The following TMEM132B variants were observed in gnomAD, a reference collection of about 807,000 sequenced individuals.
TMEM132B encodes transmembrane protein 132B.
A neutral mutation model predicts 90.8 loss-of-function variants in TMEM132B; 18 were observed. That is an observed-to-expected ratio of 0.20 (90% CI 0.14 to 0.29). The LOEUF (loss-of-function observed/expected upper bound fraction) is 0.29. Ranked by LOEUF, TMEM132B falls within the 10% of genes least tolerant of loss-of-function variation. The pLI, the probability that TMEM132B is intolerant of heterozygous loss-of-function variation, is 1.00. For synonymous variants in TMEM132B, 504 were observed against 523.3 expected (o/e 0.96, Z 0.50); for missense variants, 1,096 against 1,326.8 (o/e 0.83, Z 2.70).
Position 125,460,335 on chromosome 12 carries a change from T to C in TMEM132B, c.1106+44658T>C, listed in dbSNP as rs4765256. 0.31 allele frequency among the ~76,000 whole-genome samples: 46,624 copies of C among 151,516 alleles called. 7,360 individuals are homozygous for C. Among genetic ancestry groups the C allele is most frequent in the East Asian group, 0.52 (2,636 of 5,114 alleles). On this transcript the variant is annotated intron_variant, in intron 3 of 8. Transcript: ENST00000682704. The surrounding 1 kb of genome is among the most constrained non-coding windows in gnomAD (Gnocchi z 4.4). ...GTGAAACCCCATCTCTACTGAAAAA[T>C]ACAAGAATTAGCTGGGCATGGTGGT... is the stretch of plus-strand genomic sequence containing the variant.
intron 3 of TMEM132B, among the ~76,000 whole-genome samples, chr12:125,436,420 T>G (rs968554064): frequency 2.0e-5 from 3 of 152,134 alleles, no homozygotes; most frequent in African/African-American, 4.8e-5. Flanking sequence ...TCATGGGAGT[T>G]GTAATTATTT....
At chr12:125,343,832 G>C (rs372616334) in intron 1 of TMEM132B, among the ~76,000 whole-genome samples, 7 of 152,122 alleles carry the variant, frequency 4.6e-5, no homozygotes, top group African/African-American at 1.7e-4. Flanking sequence ...TGACCACAGT[G>C]GTGTGATATT....
At chr12:125,556,628 A>C (rs1455281969) in intron 4 of TMEM132B, among the ~76,000 whole-genome samples, 1 of 152,202 alleles carries the variant, frequency 6.6e-6, no homozygotes, top group Non-Finnish European at 1.5e-5. Flanking sequence ...CCCATGTGAC[A>C]AGATATCTGG....
At chr12:125,593,487 G>A (rs941602413) in intron 5 of TMEM132B, among the ~76,000 whole-genome samples, 4 of 152,170 alleles carry the variant, frequency 2.6e-5, no homozygotes, top group East Asian at 3.9e-4. Flanking sequence ...TCTTCTAGAA[G>A]CCTTCCATCT....
At chr12:125,434,035 A>C (rs1343761261) in intron 3 of TMEM132B, among the ~76,000 whole-genome samples, 1 of 152,188 alleles carries the variant, frequency 6.6e-6, no homozygotes, top group Non-Finnish European at 1.5e-5. Context: ...CTTAGTTCTG[A>C]AAGTCAGAAG....
rs138859710 is a variant in TMEM132B at position 125,639,802 on chromosome 12, C to T, written c.1438-4274C>T. Among the ~76,000 whole-genome samples the T allele has an allele frequency of 1.8e-3, 281 of 152,236 alleles. 3 individuals carry two copies. The highest frequency in any genetic ancestry group is 2.9e-3 in the Non-Finnish European group (195 of 68,006). On this transcript the variant is annotated intron_variant, in intron 5 of 8. Coordinates refer to ENST00000682704, the MANE Select transcript of TMEM132B (RefSeq NM_001366854.1). ...GCCAAGTTTAAATTAGGAGTGGCTCCGGGAATGCATTCTGAGGGGTGGCAT... is the reference window on the plus strand; with the variant it reads ...GCCAAGTTTAAATTAGGAGTGGCTCTGGGAATGCATTCTGAGGGGTGGCAT...
In TMEM132B at chr12:125,392,189, C is replaced by T. The variant is rs145847480; in HGVS notation, c.960-23342C>T. Reference sequence around the variant, plus strand: ...TATAGACTGAGAAATATACCTACTACGTGCTTTCCTCTCCATCCCTGGGTT... The same window carrying T: ...TATAGACTGAGAAATATACCTACTATGTGCTTTCCTCTCCATCCCTGGGTT... On this transcript the variant is annotated intron_variant, in intron 2 of 8. Coordinates refer to ENST00000682704, the MANE Select transcript of TMEM132B (RefSeq NM_001366854.1). Among the ~76,000 whole-genome samples the T allele has an allele frequency of 1.8e-3, 277 of 152,284 alleles. 1 individual carries two copies. The highest frequency in any genetic ancestry group is 6.0e-3 in the African/African-American group (249 of 41,562).
In TMEM132B at chr12:125,491,959, CAGTT is replaced by C. The variant is rs1882364109; in HGVS notation, c.1107-27477_1107-27474del. Among the ~76,000 whole-genome samples, 2 of 152,170 alleles carry C rather than the reference CAGTT, an allele frequency of 1.3e-5. 1 individual carries two copies. Among genetic ancestry groups the C allele is most frequent in the South Asian group, 4.1e-4 (2 of 4,822 alleles). On this transcript the variant is annotated intron_variant, in intron 3 of 8. Transcript: ENST00000682704. Reference sequence around the variant, plus strand: ...TGCCGATATCCTTCTCTGGGAAACACAGTTAGGATAAAGGGAGTTTGCAAAGCCA... The same window carrying C: ...TGCCGATATCCTTCTCTGGGAAACACAGGATAAAGGGAGTTTGCAAAGCCA...
chr12:125,520,773 G>C (rs766785669), intron 4 of TMEM132B, among the ~76,000 whole-genome samples: 5 of 152,192 alleles, frequency 3.3e-5, no homozygotes, highest in Admixed American at 6.5e-5. Context: ...CATGACAGTA[G>C]GGTTATCCTG....
chr12:125,222,395 A>G (rs534111252), intron 1 of TMEM132B, among the ~76,000 whole-genome samples: 2 of 152,166 alleles, frequency 1.3e-5, no homozygotes, highest in African/African-American at 2.4e-5. Flanking sequence ...AGCACCAGAA[A>G]TGTATGCCAG....
Position 125,656,075 on chromosome 12 carries a change from A to G in TMEM132B, c.*1365A>G, listed in dbSNP as rs571329087. On this transcript the variant is annotated 3_prime_UTR_variant, in exon 9 of 9. Transcript: ENST00000682704. The stretch of plus-strand genomic sequence containing the variant: ...AAACGGCAAGAGAAAAAAAGAAACA[A>G]CTCCTGCATAATGTTTAAATAAAAA... 8 of 152,192 alleles carry G rather than the reference A, an allele frequency of 5.3e-5. No individual in the cohort carries two copies. Among genetic ancestry groups the G allele is most frequent in the South Asian group, 2.1e-4 (1 of 4,822 alleles). The allele number at this position is 152,192 out of a possible 1,614,324, so 9.4% of individuals were successfully genotyped here. A position where few individuals can be genotyped will look rare whatever the true frequency, so the allele number is the denominator to read the frequency against.
At chr12:125,190,212 T>C (rs1008417335) in intron 1 of TMEM132B, among the ~76,000 whole-genome samples, 1 of 152,182 alleles carries the variant, frequency 6.6e-6, no homozygotes, top group African/African-American at 2.4e-5. Context: ...TCTAACCCTG[T>C]ACCTGGGAGC....
intron 1 of TMEM132B, among the ~76,000 whole-genome samples, chr12:125,300,090 C>T (rs1283107087): frequency 6.6e-6 from 1 of 152,246 alleles, no homozygotes; most frequent in East Asian, 1.9e-4. Flanking sequence ...AACACCTTCC[C>T]CCAGATACCT....
intron 2 of TMEM132B, among the ~76,000 whole-genome samples, chr12:125,413,623 T>C (rs927904558): frequency 3.9e-5 from 6 of 152,258 alleles, no homozygotes; most frequent in Non-Finnish European, 7.3e-5. Flanking sequence ...TCTGGCTTCT[T>C]TCACTCAGCA....
chr12:125,470,283 AGTGG>A (rs1316354445), intron 3 of TMEM132B, among the ~76,000 whole-genome samples: 1 of 152,196 alleles, frequency 6.6e-6, no homozygotes, highest in Non-Finnish European at 1.5e-5. Context: ...AACTGCAGAC[AGTGG>A]GGATTCTGGG....
intron 5 of TMEM132B, among the ~76,000 whole-genome samples, chr12:125,609,068 G>C (rs1418404308): frequency 6.6e-6 from 1 of 152,108 alleles, no homozygotes; most frequent in East Asian, 1.9e-4. Context: ...AATGCCAGAT[G>C]CTTATAAAAC....
chr12:125,580,044 CAG>C (rs1180888875), intron 4 of TMEM132B, among the ~76,000 whole-genome samples: 2 of 152,088 alleles, frequency 1.3e-5, no homozygotes, highest in Non-Finnish European at 2.9e-5. Context: ...AATGATTAGG[CAG>C]AGTTTTCTTT....
At chr12:125,563,522 C>T (rs1162372391) in intron 4 of TMEM132B, among the ~76,000 whole-genome samples, 1 of 151,890 alleles carries the variant, frequency 6.6e-6, no homozygotes, top group Non-Finnish European at 1.5e-5. Context: ...GCTGAGATCG[C>T]ACCACTGCAC....
rs79105717 is a variant in TMEM132B at position 125,606,480 on chromosome 12, T to G, written c.1437+22486T>G. Among the ~76,000 whole-genome samples the G allele has an allele frequency of 7.7e-3, 1,168 of 152,340 alleles. 15 individuals are homozygous for G. Among genetic ancestry groups the G allele is most frequent in the African/African-American group, 0.026 (1,071 of 41,584 alleles). Reference sequence around the variant, plus strand: ...ACTATGTAGATAATGTGGGTGCATGTATATGTGTGGGCCAGAATGCACATG... The same window carrying G: ...ACTATGTAGATAATGTGGGTGCATGGATATGTGTGGGCCAGAATGCACATG... On this transcript the variant is annotated intron_variant, in intron 5 of 8. Transcript: ENST00000682704.
Sources: gnomAD v4.1 joint callset for allele counts (sites outside exome capture counted in the v4.1 genomes callset) on GRCh38, gnomAD v4.1.1 for gene constraint, Gnocchi (gnomAD v3.1) non-coding constraint, MANE v1.5 for transcripts, NCBI Gene and HGNC (gene_info 2026-07-23, HGNC 2026-07-21) for gene names.